Variants in SLC9A9 observed in about 807,000 individuals in gnomAD.
SLC9A9 encodes solute carrier family 9 member A9, also known as sodium/hydrogen exchanger 9.
A neutral mutation model predicts 77.8 loss-of-function variants in SLC9A9; 62 were observed. The ratio of observed to expected loss-of-function variants is 0.80; its 90% confidence interval spans 0.65 to 0.98. The LOEUF (loss-of-function observed/expected upper bound fraction) is 0.98, where lower values mean the gene tolerates loss of function less well. Ranked by LOEUF, SLC9A9 falls within the 50% of genes least tolerant of loss-of-function variation. SLC9A9 has a pLI of 0.00. For missense variants in SLC9A9, 775 were observed against 774.9 expected, an observed-to-expected ratio of 1.00 and a Z score of 0.00; for synonymous variants, 320 against 283.5, an observed-to-expected ratio of 1.13 and a Z score of -1.29.
intron 14 of SLC9A9, among the ~76,000 whole-genome samples, chr3:143,309,417 C>CAA (rs10569058): frequency 1.4e-3 from 190 of 137,368 alleles, no homozygotes; most frequent in Non-Finnish European, 2.0e-3. Flanking sequence ...AACAGAAAAG[C>CAA]AAAAAAAAAA....
At chr3:143,446,033 G>T (rs1348377944) in intron 12 of SLC9A9, among the ~76,000 whole-genome samples, 1 of 152,104 alleles carries the variant, frequency 6.6e-6, no homozygotes, top group African/African-American at 2.4e-5. Flanking sequence ...GAAGGATTTT[G>T]CTGTAAAGGA....
intron 8 of SLC9A9, among the ~76,000 whole-genome samples, chr3:143,562,193 T>C (rs2037099106): frequency 6.6e-6 from 1 of 152,202 alleles, no homozygotes; most frequent in Non-Finnish European, 1.5e-5. Context: ...CTAACAGAGA[T>C]AAGATATATA....
At chr3:143,342,501 T>G (rs2032133194) in intron 14 of SLC9A9, among the ~76,000 whole-genome samples, 1 of 152,206 alleles carries the variant, frequency 6.6e-6, no homozygotes, top group Non-Finnish European at 1.5e-5. Flanking sequence ...ACCTTATTGC[T>G]GATGTATTTC....
intron 6 of SLC9A9, among the ~76,000 whole-genome samples, chr3:143,598,573 C>T (rs1274448700): frequency 6.6e-6 from 1 of 152,238 alleles, no homozygotes; most frequent in Non-Finnish European, 1.5e-5. Context: ...CCAATAGCCT[C>T]CTTTGAAAAA....
At chr3:143,669,314 C>T (rs533866713) in intron 5 of SLC9A9, among the ~76,000 whole-genome samples, 1 of 152,188 alleles carries the variant, frequency 6.6e-6, no homozygotes, top group African/African-American at 2.4e-5. Flanking sequence ...AACTTCCATC[C>T]TATACGTCTT....
At position 143,501,268 on chromosome 3, in the gene SLC9A9, G is replaced by C. The variant is rs556189961; in HGVS notation, c.1090-5820C>G. 8.6e-5 allele frequency among the ~76,000 whole-genome samples: 13 copies of C among 150,676 alleles called. No individual in the cohort carries two copies. The South Asian group carries it at 2.7e-3, about 31-fold the overall frequency. On this transcript the variant is annotated intron_variant, in intron 9 of 15. Coordinates refer to ENST00000316549, the MANE Select transcript of SLC9A9 (RefSeq NM_173653.4). ...TGAACTAGTATAAAAAGATATCTAA[G>C]ATCTATTGTTAAATAATAAACAATT...
intron 6 of SLC9A9, among the ~76,000 whole-genome samples, chr3:143,604,244 A>C (rs559705404): frequency 3.3e-5 from 5 of 152,284 alleles, no homozygotes; most frequent in African/African-American, 1.2e-4. Flanking sequence ...AGCCCACTCA[A>C]GTTCTTTATG....
chr3:143,817,294 G>A (rs1022305993), intron 2 of SLC9A9, among the ~76,000 whole-genome samples: 34 of 150,758 alleles, frequency 2.3e-4, no homozygotes, highest in Admixed American at 5.9e-4. Flanking sequence ...GACTACAGGC[G>A]CCCGCCACCG....
chr3:143,827,751 C>G (rs1017731672), intron 2 of SLC9A9, among the ~76,000 whole-genome samples: 1 of 152,214 alleles, frequency 6.6e-6, no homozygotes, highest in Non-Finnish European at 1.5e-5. Context: ...ATCCAAGACA[C>G]TAAACTATAT....
chr3:143,448,178 A>G (rs2034878877), intron 12 of SLC9A9, among the ~76,000 whole-genome samples: 1 of 152,152 alleles, frequency 6.6e-6, no homozygotes, highest in Admixed American at 6.6e-5. Flanking sequence ...CTGTGCAAAT[A>G]GGGCATAGCT....
chr3:143,706,859 T>C (rs1290823759), intron 4 of SLC9A9, among the ~76,000 whole-genome samples: 1 of 152,236 alleles, frequency 6.6e-6, no homozygotes, highest in East Asian at 1.9e-4. Flanking sequence ...TACTGTATTT[T>C]ATGTATGGCT....
chr3:143,393,932 G>T (rs748653446), intron 12 of SLC9A9, among the ~76,000 whole-genome samples: 2 of 151,472 alleles, frequency 1.3e-5, no homozygotes, highest in African/African-American at 2.4e-5. Context: ...AGACCAATAT[G>T]AGGCTCTGAA....
chr3:143,831,979 T>A, intron 2 of SLC9A9, 40 bp downstream of exon 2: 8 of 1,546,888 alleles, frequency 5.2e-6, no homozygotes, highest in Non-Finnish European at 7.1e-6. Context: ...CAATTATTTA[T>A]ACTGTAAAAC....
intron 8 of SLC9A9, among the ~76,000 whole-genome samples, chr3:143,563,865 C>G (rs901095271): frequency 1.3e-5 from 2 of 152,108 alleles, no homozygotes; most frequent in African/African-American, 4.8e-5. Flanking sequence ...GGTCTGCATA[C>G]TTGGGATTGA....
chr3:143,423,248 T>TATAC (rs1553753430), intron 12 of SLC9A9, among the ~76,000 whole-genome samples: 1 of 143,738 alleles, frequency 7.0e-6, no homozygotes, highest in South Asian at 2.3e-4. Context: ...CACGCGCGTG[T>TATAC]ACACACACAC....
chr3:143,769,140 T>C (rs2007429113), intron 4 of SLC9A9, among the ~76,000 whole-genome samples: 1 of 152,162 alleles, frequency 6.6e-6, no homozygotes, highest in Non-Finnish European at 1.5e-5. Flanking sequence ...ATACATAGTA[T>C]TATAGATAGT....
chr3:143,358,383 G>C lies in SLC9A9; in HGVS notation c.1604+5101C>G, dbSNP rs551613889. On this transcript the variant is annotated intron_variant, in intron 14 of 15. Coordinates refer to ENST00000316549, the MANE Select transcript of SLC9A9 (RefSeq NM_173653.4). The stretch of plus-strand genomic sequence containing the variant: ...TCAACTTGCCAATCCATTGTTCTTT[G>C]CACTTTCTTTACACTTATAAAATGT... Among the ~76,000 whole-genome samples, 4 of 152,196 alleles carry C rather than the reference G, an allele frequency of 2.6e-5. No homozygotes were observed. In the South Asian group the frequency reaches 8.3e-4, roughly 32 times the overall value.
intron 9 of SLC9A9, among the ~76,000 whole-genome samples, chr3:143,519,714 T>A (rs776044723): frequency 6.6e-6 from 1 of 152,020 alleles, no homozygotes; most frequent in Non-Finnish European, 1.5e-5. Flanking sequence ...TGGACCAGCG[T>A]GGGGGCAATG....
chr3:143,486,642 G>T (rs2035656670), intron 11 of SLC9A9, among the ~76,000 whole-genome samples: 1 of 151,940 alleles, frequency 6.6e-6, no homozygotes, highest in Non-Finnish European at 1.5e-5. Context: ...AGCCAAAAGG[G>T]GTGGGGACAG....
Sources: allele counts gnomAD v4.1 joint callset (sites outside exome capture counted in the v4.1 genomes callset), GRCh38; gene constraint gnomAD v4.1.1; transcripts MANE v1.5; gene names NCBI Gene and HGNC (gene_info 2026-07-23, HGNC 2026-07-21).